The following HDAC9 variants were observed in gnomAD, a reference collection of about 807,000 sequenced individuals.
The protein encoded by HDAC9 is histone deacetylase 9, also known as MEF-2 interacting transcription repressor (MITR) protein.
Under a neutral mutation model 139.4 loss-of-function variants are expected in HDAC9, and 41 were observed. That is an observed-to-expected ratio of 0.29 (90% CI 0.23 to 0.38). The LOEUF is 0.38. Ranked by LOEUF, HDAC9 falls within the 10% of genes least tolerant of loss-of-function variation. HDAC9 has a pLI of 1.00. For synonymous variants in HDAC9, 517 were observed against 476.2 expected (o/e 1.09, Z -1.12); for missense variants, 1,147 against 1,297.0 (o/e 0.88, Z 1.78).
chr7:18,244,956 A>T (rs1302197272), intron 2 of HDAC9, among the ~76,000 whole-genome samples: 1 of 128,866 alleles, frequency 7.8e-6, no homozygotes. Context: ...CTGTATATGG[A>T]CATAACATAT....
chr7:18,290,774 G>T (rs992083004), intron 1 of HDAC9, among the ~76,000 whole-genome samples: 14 of 152,112 alleles, frequency 9.2e-5, no homozygotes, highest in African/African-American at 3.4e-4. Flanking sequence ...TTTGGGGAGA[G>T]GGTTCTTGAA....
At chr7:18,176,768 T>C (rs983038987) in intron 2 of HDAC9, among the ~76,000 whole-genome samples, 2 of 152,204 alleles carry the variant, frequency 1.3e-5, no homozygotes, top group African/African-American at 4.8e-5. Context: ...TTTTATGTTA[T>C]TTTTTAATGC....
At chr7:18,701,008 C>T (rs1373050292) in intron 12 of HDAC9, among the ~76,000 whole-genome samples, 1 of 152,192 alleles carries the variant, frequency 6.6e-6, no homozygotes, top group Admixed American at 6.5e-5. Context: ...TTTACTGCCA[C>T]TTTCTTCCTA....
rs146380478 is a variant in HDAC9 at position 18,674,567 on chromosome 7, T to C, written c.1731+8091T>C. 5.9e-3 allele frequency among the ~76,000 whole-genome samples: 902 copies of C among 152,146 alleles called. 6 individuals carry two copies. The highest frequency in any genetic ancestry group is 0.021 in the African/African-American group (862 of 41,532). On this transcript the variant is annotated intron_variant, in intron 12 of 25. Transcript: ENST00000686413. ...TTGAGGTCAGGGAAAATGTACTCTA[T>C]TGTGTTCATCATTGTTCCTAGAGCC...
intron 6 of HDAC9, 120 bp downstream of exon 6, chr7:18,594,149 C>A: frequency 4.3e-6 from 4 of 929,502 alleles, no homozygotes; most frequent in Non-Finnish European, 6.6e-6. Context: ...CCTCCCCACC[C>A]CTGCCCCCAG....
intron 1 of HDAC9, among the ~76,000 whole-genome samples, chr7:18,403,451 G>T (rs1054331486): frequency 2.6e-5 from 4 of 152,080 alleles, no homozygotes; most frequent in Non-Finnish European, 5.9e-5. Context: ...ACACGCTGTT[G>T]CACTTGTTAT....
At chr7:18,827,027 T>C (rs997293297) in intron 17 of HDAC9, among the ~76,000 whole-genome samples, 3 of 151,888 alleles carry the variant, frequency 2.0e-5, no homozygotes, top group Admixed American at 1.3e-4. Context: ...CCAAGGTGGG[T>C]TGAATGCTTG....
At chr7:18,883,630 G>C (rs1021342965) in intron 22 of HDAC9, among the ~76,000 whole-genome samples, 13 of 152,030 alleles carry the variant, frequency 8.6e-5, no homozygotes, top group African/African-American at 2.9e-4. Flanking sequence ...TCAGGAACAA[G>C]ATAAGGATGC....
At chr7:18,918,516 CAT>C (rs1209770487) in intron 22 of HDAC9, among the ~76,000 whole-genome samples, 2 of 152,016 alleles carry the variant, frequency 1.3e-5, no homozygotes, top group Admixed American at 1.3e-4. Context: ...TAAGAATAGA[CAT>C]AAGAATTTTA....
intron 6 of HDAC9, among the ~76,000 whole-genome samples, chr7:18,607,681 G>A (rs1346075753): frequency 6.6e-6 from 1 of 152,136 alleles, no homozygotes; most frequent in East Asian, 1.9e-4. Flanking sequence ...ACATGACTAT[G>A]AGCATAGTGC....
intron 1 of HDAC9, among the ~76,000 whole-genome samples, chr7:18,453,842 C>T (rs2128104741): frequency 6.6e-6 from 1 of 152,178 alleles, no homozygotes; most frequent in East Asian, 1.9e-4. Context: ...CTTGCTAAAG[C>T]AATCTACAGA....
intron 2 of HDAC9, among the ~76,000 whole-genome samples, chr7:18,211,894 G>C (rs1230594384): frequency 6.6e-6 from 1 of 152,154 alleles, no homozygotes; most frequent in Non-Finnish European, 1.5e-5. Context: ...GGAGGGAAGG[G>C]GAGAGTGGGA....
At chr7:18,277,483 TGGG>T (rs991653391) in intron 2 of HDAC9, among the ~76,000 whole-genome samples, 6 of 152,176 alleles carry the variant, frequency 3.9e-5, no homozygotes, top group Non-Finnish European at 8.8e-5. Flanking sequence ...GTGTGCAAGG[TGGG>T]AGGAGGAGGA....
intron 1 of HDAC9, among the ~76,000 whole-genome samples, chr7:18,434,523 A>G (rs760811987): frequency 5.9e-5 from 9 of 152,228 alleles, no homozygotes; most frequent in Non-Finnish European, 1.0e-4. Flanking sequence ...TCCAGAATCT[A>G]TAAGGAATTT....
chr7:18,429,284 A>C (rs1727770373), intron 1 of HDAC9: 1 of 152,226 alleles, frequency 6.6e-6, no homozygotes, highest in South Asian at 2.1e-4. Context: ...TGAAAAAATT[A>C]AATAATAAGT....
intron 12 of HDAC9, among the ~76,000 whole-genome samples, chr7:18,700,467 G>A (rs4721719): frequency 0.15 from 22,130 of 152,084 alleles, 1,681 homozygotes; most frequent in East Asian, 0.2. Flanking sequence ...CTTGGGAGTG[G>A]GGCTATCTCT....
intron 19 of HDAC9, among the ~76,000 whole-genome samples, chr7:18,834,722 C>T (rs940880586): frequency 2.6e-5 from 4 of 152,144 alleles, no homozygotes; most frequent in East Asian, 1.9e-4. Flanking sequence ...CCTGCGTCTT[C>T]GACTCTTGTG....
intron 12 of HDAC9, among the ~76,000 whole-genome samples, chr7:18,676,432 TTGAC>T (rs1173181899): frequency 6.6e-6 from 1 of 152,012 alleles, no homozygotes; most frequent in Non-Finnish European, 1.5e-5. Flanking sequence ...CTTAAGTAAT[TTGAC>T]TGCATAATTT....
rs529622362 is a variant in HDAC9, at chr7:18,334,614, C to T, written c.-42+44099C>T. Among the ~76,000 whole-genome samples, 195 of 151,424 alleles carry T rather than the reference C, an allele frequency of 1.3e-3. 7 individuals are homozygous for T. In the South Asian group the frequency reaches 0.038, roughly 29 times the overall value. On this transcript the variant is annotated intron_variant, in intron 1 of 3. Coordinates refer to the HDAC9 transcript ENST00000413509. ...TTCCAGTGCATTAATAAAAAACATA[C>T]GTTTATATCCATTATTTCCAGAAAC...
Sources: allele counts gnomAD v4.1 joint callset (sites outside exome capture counted in the v4.1 genomes callset), GRCh38; gene constraint gnomAD v4.1.1; transcripts MANE v1.5; gene names NCBI Gene and HGNC (gene_info 2026-07-23, HGNC 2026-07-21).